STRIP2: variants seen among roughly 807,000 people sequenced by gnomAD.
STRIP2 encodes the protein striatin interacting protein 2.
In STRIP2, 84 loss-of-function variants were observed where a neutral mutation model predicts 107.1. That is an observed-to-expected ratio of 0.78 (90% CI 0.66 to 0.94). The LOEUF (loss-of-function observed/expected upper bound fraction) is 0.94, where lower values mean the gene tolerates loss of function less well. Ranked by LOEUF, STRIP2 falls within the 40% of genes least tolerant of loss-of-function variation. STRIP2 has a pLI of 0.00. For missense variants in STRIP2, 888 were observed against 1,034.2 expected, an observed-to-expected ratio of 0.86 and a Z score of 1.94; for synonymous variants, 394 against 400.4, an observed-to-expected ratio of 0.98 and a Z score of 0.19.
At chr7:129,438,063 C>G (rs948743329) in intron 1 of STRIP2, among the ~76,000 whole-genome samples, 12 of 152,172 alleles carry the variant, frequency 7.9e-5, no homozygotes, top group Non-Finnish European at 1.6e-4. Context: ...CCTCGGCCTC[C>G]CAAAGTGTTG....
At chr7:129,444,165 A>G (rs1486761679) in intron 3 of STRIP2, 67 bp downstream of exon 3, 4 of 1,210,162 alleles carry the variant, frequency 3.3e-6, no homozygotes, top group Non-Finnish European at 3.6e-6. Context: ...CTGATCTAGT[A>G]AAAGACTAAA....
rs563291917 is a variant in STRIP2, at chr7:129,458,012, C to A, written c.1039-203C>A. The A allele has an allele frequency of 5.1e-4, 312 of 615,184 alleles. No homozygotes were observed. The highest frequency in any genetic ancestry group is 8.4e-4 in the Non-Finnish European group (285 of 337,926). 38.1% of individuals were successfully genotyped at this position (615,184 alleles called of 1,614,324 possible). A position where few individuals can be genotyped will look rare whatever the true frequency, so the allele number is the denominator to read the frequency against. On this transcript the variant is annotated intron_variant, in intron 9 of 20. Transcript: ENST00000249344. The surrounding 1 kb of genome is among the most constrained non-coding windows in gnomAD (Gnocchi z 4.6). ...CTATGCTATGTTCCCTGGCTAATGG[C>A]AGGGTTACCTGAGAACTTCTTGTCC...
At position 129,451,578 on chromosome 7, in the gene STRIP2, G is replaced by T. The variant is rs190586264; in HGVS notation, c.275-35G>T. On this transcript the variant is annotated intron_variant, in intron 3 of 20. Transcript: ENST00000249344. ...AGCCTTTCCAGGAAGGGTGGCAATA[G>T]CTGACACTGGATGTATATGGCCTTT... is the stretch of plus-strand genomic sequence containing the variant. 14 of 1,611,834 alleles carry T rather than the reference G, an allele frequency of 8.7e-6. No individual in the cohort carries two copies. The South Asian group carries it at 1.2e-4, about 14-fold the overall frequency.
intron 3 of STRIP2, among the ~76,000 whole-genome samples, chr7:129,448,736 C>T (rs921297694): frequency 2.0e-5 from 3 of 152,114 alleles, no homozygotes; most frequent in African/African-American, 4.8e-5. Flanking sequence ...CTTTGATGGT[C>T]GAGTGCTTCC....
chr7:129,465,026 A>G (rs1798637766), intron 16 of STRIP2, among the ~76,000 whole-genome samples: 1 of 150,396 alleles, frequency 6.6e-6, no homozygotes, highest in Non-Finnish European at 1.5e-5. Flanking sequence ...AAACAATGCA[A>G]GAGAGAATGT....
At position 129,467,333 on chromosome 7, in the gene STRIP2, T is replaced by C. The variant is rs753187707; in HGVS notation, c.1777-17T>C. The C allele has an allele frequency of 3.8e-5, 60 of 1,596,350 alleles. No homozygotes were observed. The highest frequency in any genetic ancestry group is 5.2e-5 in the Non-Finnish European group (60 of 1,164,498). ...CCTCCAAATAAGCAGCCCTTTCTGC[T>C]TTGATTTTTAATTCAGTTTGAATAT... On this transcript the variant is annotated splice_polypyrimidine_tract_variant and intron_variant, in intron 16 of 20. Transcript: ENST00000249344.
rs770188461 is a variant in STRIP2 at position 129,453,358 on chromosome 7, T to A, written c.530+11T>A. 3 of 1,613,970 alleles carry A rather than the reference T, an allele frequency of 1.9e-6. No individual in the cohort carries two copies. The highest frequency in any genetic ancestry group is 1.7e-4 in the Middle Eastern group (1 of 6,040). ...CCACATGGAAATTGAGTGAGAAGCCTTAGGGGAAGGGCTGGCCTACATAAC... is the reference window on the plus strand; with the variant it reads ...CCACATGGAAATTGAGTGAGAAGCCATAGGGGAAGGGCTGGCCTACATAAC... On this transcript the variant is annotated intron_variant, in intron 5 of 20. Transcript: ENST00000249344.
chr7:129,446,858 A>G (rs895611447), intron 3 of STRIP2, among the ~76,000 whole-genome samples: 3 of 152,154 alleles, frequency 2.0e-5, no homozygotes, highest in Non-Finnish European at 4.4e-5. Flanking sequence ...TTATGGCTTG[A>G]TGGGTCAGAA....
chr7:129,459,820 ATTC>A (rs1269707909), intron 12 of STRIP2, among the ~76,000 whole-genome samples: 1 of 151,616 alleles, frequency 6.6e-6, no homozygotes, highest in Non-Finnish European at 1.5e-5. Flanking sequence ...TCCTCTTCCC[ATTC>A]TTCTCTCTCT....
chr7:129,456,732 TA>T, intron 9 of STRIP2, 90 bp downstream of exon 9: 2 of 1,251,750 alleles, frequency 1.6e-6, no homozygotes, highest in South Asian at 2.8e-5. Flanking sequence ...GAAAAAGCAG[TA>T]AATGACCCGG....
chr7:129,434,460 G>T lies in STRIP2; in HGVS notation c.-13G>T. 1 of 1,502,602 alleles carries T rather than the reference G, an allele frequency of 6.7e-7. No homozygotes were observed. Among genetic ancestry groups the T allele is most frequent in the Non-Finnish European group, 8.8e-7 (1 of 1,132,294 alleles). The allele number at this position is 1,502,602 out of a possible 1,614,324, so 93.1% of individuals were successfully genotyped here. On this transcript the variant is annotated 5_prime_UTR_variant, in exon 1 of 21. Transcript: ENST00000249344. ...AGCGAGCTGAACCCTGAGGGGAGCCGCTGACCAGCAGCATGGAGGACCCCG... is the reference window on the plus strand; with the variant it reads ...AGCGAGCTGAACCCTGAGGGGAGCCTCTGACCAGCAGCATGGAGGACCCCG...
intron 20 of STRIP2, among the ~76,000 whole-genome samples, chr7:129,484,941 G>A (rs1465698645): frequency 6.6e-6 from 1 of 152,156 alleles, no homozygotes; most frequent in African/African-American, 2.4e-5. Flanking sequence ...GAATAGAAGC[G>A]AAACAGATTA....
chr7:129,434,640 G>C lies in STRIP2; in HGVS notation c.129+39G>C, dbSNP rs1322179252. 2.1e-6 allele frequency: 3 copies of C among 1,436,344 alleles called. No individual in the cohort carries two copies. In the East Asian group the frequency reaches 8.7e-5, roughly 42 times the overall value. 89.0% of individuals were successfully genotyped at this position (1,436,344 alleles called of 1,614,324 possible). ...AAAGCTTCGGCTGGGGCCCGGAGAC[G>C]CCCGCCGGCGGGAAGCGGCGGCTGA... is the stretch of plus-strand genomic sequence containing the variant. On this transcript the variant is annotated intron_variant, in intron 1 of 20. Transcript: ENST00000249344.
At chr7:129,440,793 T>C (rs1797878429) in intron 2 of STRIP2, among the ~76,000 whole-genome samples, 1 of 152,178 alleles carries the variant, frequency 6.6e-6, no homozygotes, top group African/African-American at 2.4e-5. Flanking sequence ...ATGCCAGTTA[T>C]TAATAAACAA....
In STRIP2 at chr7:129,455,361, A is replaced by G; in HGVS notation, c.824A>G (p.Lys275Arg). The G allele has an allele frequency of 1.2e-6, 2 of 1,613,032 alleles. No homozygotes were observed. Among genetic ancestry groups the G allele is most frequent in the Non-Finnish European group, 1.7e-6 (2 of 1,179,598 alleles). ...AAGAAGGTCCTGCTCCTGCTCTGGA[A>G]GGTGGTCATGGTGAGTAATTCTCCC... ...PIKKVLLLLWKVVMFTLGGFE... is the reference protein window; with the variant it reads ...PIKKVLLLLWRVVMFTLGGFE... Residue 275 changes from lysine (K) to arginine (R), a missense_variant, in exon 8 of 21, where the codon AAG becomes AGG. Coordinates refer to ENST00000249344, the MANE Select transcript of STRIP2 (RefSeq NM_020704.3).
chr7:129,486,036 A>C lies in STRIP2; in HGVS notation c.*207A>C. 1 of 559,290 alleles carries C rather than the reference A, an allele frequency of 1.8e-6. No homozygotes were observed. Among genetic ancestry groups the C allele is most frequent in the Admixed American group, 3.1e-5 (1 of 32,538 alleles). 34.6% of individuals were successfully genotyped at this position (559,290 alleles called of 1,614,324 possible). ...GTTGGGTGCCCAGTTGGCCTTGGAA[A>C]TCTTTTGGTGGATCAATTCTAGACA... On this transcript the variant is annotated 3_prime_UTR_variant, in exon 21 of 21. Transcript: ENST00000249344.
At chr7:129,451,027 C>G (rs1171976435) in intron 3 of STRIP2, among the ~76,000 whole-genome samples, 1 of 130,564 alleles carries the variant, frequency 7.7e-6, no homozygotes, top group Non-Finnish European at 1.6e-5. Context: ...AGCTCCGCCT[C>G]CCGGGTTCAC....
chr7:129,452,491 T>G (rs141483062), intron 4 of STRIP2, among the ~76,000 whole-genome samples: 1 of 152,204 alleles, frequency 6.6e-6, no homozygotes, highest in Non-Finnish European at 1.5e-5. Flanking sequence ...CTGTATCTCT[T>G]GGGTCTGGTG....
rs751962026 is a variant in STRIP2, at chr7:129,440,082, G to A, written c.190G>A (p.Glu64Lys). The change falls in exon 2 of 21, where the codon GAG (glutamate) becomes AAG (lysine). Residue 64 changes from glutamate to lysine, a missense_variant. By Grantham distance (56) the Glu-to-Lys change is moderately conservative. Coordinates refer to ENST00000249344, the MANE Select transcript of STRIP2 (RefSeq NM_020704.3). ...TGGAGATGCAGATGGGCATGCAGCC[G>A]AGTTGTCAGGTATGAGGTAGATGGG... is the stretch of plus-strand genomic sequence containing the variant. ...EYGDADGHAA[E>K]LSELYSYTEN... 1.1e-5 allele frequency: 18 copies of A among 1,613,958 alleles called. No individual in the cohort carries two copies. The highest frequency in any genetic ancestry group is 1.4e-5 in the Non-Finnish European group (17 of 1,179,960).
Sources: allele counts gnomAD v4.1 joint callset (sites outside exome capture counted in the v4.1 genomes callset), GRCh38; gene constraint gnomAD v4.1.1; non-coding constraint Gnocchi (gnomAD v3.1); transcripts MANE v1.5; gene names NCBI Gene and HGNC (gene_info 2026-07-23, HGNC 2026-07-21).